USP31: variants seen among roughly 807,000 people sequenced by gnomAD.
The protein encoded by USP31 is ubiquitin specific peptidase 31, also known as ubiquitin carboxyl-terminal hydrolase 31.
USP31 carries 44 observed loss-of-function variants against 119.4 expected under a neutral mutation model. The observed-to-expected ratio is 0.37, with a 90% CI of 0.29 to 0.47. The LOEUF is 0.47. USP31 is among the 20% of genes least tolerant of loss of function. USP31 has a pLI of 0.99. For synonymous variants in USP31, 749 were observed against 705.6 expected, an observed-to-expected ratio of 1.06 and a Z score of -0.97; for missense variants, 1,643 against 1,730.2, an observed-to-expected ratio of 0.95 and a Z score of 0.89.
In USP31 at chr16:23,065,999, A is replaced by G. The variant is rs1689415185; in HGVS notation, c.*2047T>C. On this transcript the variant is annotated 3_prime_UTR_variant, in exon 16 of 16. Transcript: ENST00000219689. ...TTTTCAGGAGATAAAAGCGATACAG[A>G]AAAACGAGAGCGGTGGCTACACACT... The G allele has an allele frequency of 6.6e-6, 1 of 152,192 alleles. No homozygotes were observed. The highest frequency in any genetic ancestry group is 1.5e-5 in the Non-Finnish European group (1 of 68,032). The allele number at this position is 152,192 out of a possible 1,614,324, so 9.4% of individuals were successfully genotyped here. A position where few individuals can be genotyped will look rare whatever the true frequency, so the allele number is the denominator to read the frequency against.
intron 13 of USP31, chr16:23,079,567 T>TA (rs879575481): frequency 2.1e-3 from 311 of 147,432 alleles, no homozygotes; most frequent in Middle Eastern, 6.9e-3. Context: ...CATCTTTAAT[T>TA]AAAAAAAAAA....
Position 23,102,361 on chromosome 16 carries a change from T to A in USP31, c.1192A>T (p.Thr398Ser). The A allele has an allele frequency of 1.2e-6, 2 of 1,613,458 alleles. No homozygotes were observed. The highest frequency in any genetic ancestry group is 8.5e-7 in the Non-Finnish European group (1 of 1,179,806). Residue 398 changes from threonine (T) to serine (S), a missense_variant, in exon 6 of 16, where the codon ACT (threonine) becomes TCT (serine). Around this residue, in one of 5 missense-constraint regions of USP31, gnomAD observed 219 missense variants for 226.4 expected, o/e 0.97. Coordinates refer to ENST00000219689, the MANE Select transcript of USP31 (RefSeq NM_020718.4). ...HESDCIFAFE[T>S]PEIFRPEGIL... The stretch of plus-strand genomic sequence containing the variant: ...CCTTCAGGCCTAAATATTTCGGGAG[T>A]CTCAAAGGCAAAAATGCAGTCGCTT...
intron 12 of USP31, 39 bp downstream of exon 12, chr16:23,082,399 C>T: frequency 1.2e-6 from 2 of 1,610,180 alleles, no homozygotes; most frequent in Non-Finnish European, 1.7e-6. Context: ...AGAAACTTGT[C>T]ACAACTTGTT....
intron 1 of USP31, among the ~76,000 whole-genome samples, chr16:23,111,761 G>A (rs1268394861): frequency 1.3e-5 from 2 of 152,190 alleles, no homozygotes; most frequent in Non-Finnish European, 2.9e-5. Context: ...AAGATGTTGT[G>A]AGAAAATCAG....
At chr16:23,083,490 T>C (rs1900931247) in intron 11 of USP31, among the ~76,000 whole-genome samples, 1 of 151,614 alleles carries the variant, frequency 6.6e-6, no homozygotes. Flanking sequence ...GGTATCCTGC[T>C]ACCATTCTAG....
rs1467001128 is a variant in USP31, at chr16:23,065,516, T to G, written c.*2530A>C. ...CCTAGTAGTTGGAGATAATGAAATT[T>G]TCACTGTTTACCAACTATGGAAATA... On this transcript the variant is annotated 3_prime_UTR_variant, in exon 16 of 16. Coordinates refer to ENST00000219689, the MANE Select transcript of USP31 (RefSeq NM_020718.4). 3.7e-4 allele frequency: 56 copies of G among 152,574 alleles called. No individual in the cohort carries two copies. Among genetic ancestry groups the G allele is most frequent in the Admixed American group, 3.6e-3 (55 of 15,268 alleles). 9.5% of individuals were successfully genotyped at this position (152,574 alleles called of 1,614,324 possible). A position where few individuals can be genotyped will look rare whatever the true frequency, so the allele number is the denominator to read the frequency against.
At position 23,065,030 on chromosome 16, in the gene USP31, T is replaced by C. The variant is rs1359907369; in HGVS notation, c.*3016A>G. The C allele has an allele frequency of 1.3e-5, 2 of 152,022 alleles. No individual in the cohort carries two copies. Among genetic ancestry groups the C allele is most frequent in the African/African-American group, 2.4e-5 (1 of 41,380 alleles). 9.4% of individuals were successfully genotyped at this position (152,022 alleles called of 1,614,324 possible). The stretch of plus-strand genomic sequence containing the variant: ...GATGACTGGAGCCTAACGGTTTGAG[T>C]TTCCACATTATCTAAGGGATTACCA... On this transcript the variant is annotated 3_prime_UTR_variant, in exon 16 of 16. Coordinates refer to ENST00000219689, the MANE Select transcript of USP31 (RefSeq NM_020718.4).
chr16:23,101,208 C>T (rs867721183), intron 6 of USP31, among the ~76,000 whole-genome samples: 1 of 152,186 alleles, frequency 6.6e-6, no homozygotes, highest in African/African-American at 2.4e-5. Flanking sequence ...GCCTGAACTA[C>T]GTCAGTGGCA....
intron 12 of USP31, 50 bp downstream of exon 12, chr16:23,082,388 A>G: frequency 6.2e-7 from 1 of 1,608,056 alleles, no homozygotes; most frequent in South Asian, 1.1e-5. Flanking sequence ...CAGGGGGCAT[A>G]AGAAACTTGT....
At position 23,108,845 on chromosome 16, in the gene USP31, G is replaced by A. The variant is rs76222755; in HGVS notation, c.634-662C>T. Among the ~76,000 whole-genome samples the A allele has an allele frequency of 1.6e-4, 25 of 152,224 alleles. No homozygotes were observed. The East Asian group carries it at 4.6e-3, about 28-fold the overall frequency. On this transcript the variant is annotated intron_variant, in intron 1 of 15. Coordinates refer to ENST00000219689, the MANE Select transcript of USP31 (RefSeq NM_020718.4). ...GTTTTGTTTCAAACTTTACAAGATT[G>A]ATTTACATTGCTTTTGCTAAAATGC...
intron 11 of USP31, among the ~76,000 whole-genome samples, chr16:23,083,651 A>ACCAATT (rs1366010417): frequency 3.1e-5 from 4 of 130,280 alleles, no homozygotes; most frequent in Non-Finnish European, 6.3e-5. Context: ...CCTACAGTCA[A>ACCAATT]CCAATTCCAA....
At chr16:23,094,857 A>G (rs1023196923) in intron 6 of USP31, among the ~76,000 whole-genome samples, 4 of 152,238 alleles carry the variant, frequency 2.6e-5, no homozygotes, top group African/African-American at 9.6e-5. Context: ...GTAGGTTACC[A>G]ACATCAAAGA....
At chr16:23,087,256 C>A in intron 8 of USP31, 70 bp from the exon 9 acceptor site, 2 of 1,353,304 alleles carry the variant, frequency 1.5e-6, no homozygotes, top group Admixed American at 1.9e-5. Flanking sequence ...AGTGGCATTT[C>A]CAAAACAGAT....
chr16:23,085,524 G>T, intron 10 of USP31, 61 bp downstream of exon 10: 1 of 1,403,750 alleles, frequency 7.1e-7, no homozygotes, highest in Non-Finnish European at 1.0e-6. Context: ...TATCAAAGGT[G>T]TGCTATAAAA....
chr16:23,088,579 A>G (rs1424662222), intron 7 of USP31, among the ~76,000 whole-genome samples: 1 of 152,086 alleles, frequency 6.6e-6, no homozygotes, highest in Non-Finnish European at 1.5e-5. Flanking sequence ...TCCTACTCTC[A>G]CACATCCATG....
rs1375931431 is a variant in USP31, at chr16:23,084,800, C to T, written c.1830+60G>A. The T allele has an allele frequency of 3.8e-6, 6 of 1,594,796 alleles. No individual in the cohort carries two copies. The Admixed American group carries it at 1.0e-4, about 28-fold the overall frequency. ...GCGTGATTTGTTTCTCCACTATCACCTTGCCATGCCCCACTCCCCACTGCC... is the reference window on the plus strand; with the variant it reads ...GCGTGATTTGTTTCTCCACTATCACTTTGCCATGCCCCACTCCCCACTGCC... On this transcript the variant is annotated intron_variant, in intron 11 of 15. Coordinates refer to ENST00000219689, the MANE Select transcript of USP31 (RefSeq NM_020718.4).
At chr16:23,117,684 A>G (rs1902535486) in intron 1 of USP31, among the ~76,000 whole-genome samples, 1 of 152,210 alleles carries the variant, frequency 6.6e-6, no homozygotes, top group Non-Finnish European at 1.5e-5. Context: ...CAGTAGAAAA[A>G]GAAAGACTGG....
At chr16:23,072,800 C>T (rs1900400713) in intron 14 of USP31, among the ~76,000 whole-genome samples, 1 of 152,058 alleles carries the variant, frequency 6.6e-6, no homozygotes, top group East Asian at 1.9e-4. Context: ...CTCAAGTAGA[C>T]CTCAAGAAGG....
intron 6 of USP31, among the ~76,000 whole-genome samples, chr16:23,101,156 TG>T (rs1349994201): frequency 4.6e-5 from 7 of 152,162 alleles, no homozygotes; most frequent in Non-Finnish European, 8.8e-5. Flanking sequence ...GAAAGTTCAG[TG>T]GTAAAGATAA....
Sources: gnomAD v4.1 joint callset for allele counts (sites outside exome capture counted in the v4.1 genomes callset) on GRCh38, gnomAD v4.1.1 for gene constraint, gnomAD v4.1.1 regional missense constraint, MANE v1.5 for transcripts, NCBI Gene and HGNC (gene_info 2026-07-23, HGNC 2026-07-21) for gene names.